Variants in AGTPBP1 observed in about 807,000 individuals in gnomAD.
AGTPBP1 encodes cytosolic carboxypeptidase 1.
Under a neutral mutation model 143.9 loss-of-function variants are expected in AGTPBP1, and 70 were observed. That is an observed-to-expected ratio of 0.49 (90% CI 0.40 to 0.59). The LOEUF (loss-of-function observed/expected upper bound fraction) is 0.59, where lower values mean the gene tolerates loss of function less well. AGTPBP1 is among the 20% of genes least tolerant of loss of function. The probability of loss-of-function intolerance (pLI) is 0.00; values close to 1 mark genes in which losing one functional copy is unlikely to be tolerated. For synonymous variants in AGTPBP1, 463 were observed against 500.2 expected, an observed-to-expected ratio of 0.93 and a Z score of 0.99; for missense variants, 1,229 against 1,464.5, an observed-to-expected ratio of 0.84 and a Z score of 2.62.
At chr9:85,785,316 A>G in the AGTPBP1 span, among the ~76,000 whole-genome samples, 5 of 152,122 alleles carry the variant, frequency 3.3e-5, no homozygotes, top group African/African-American at 4.8e-5. Context: ...CCTGGGCGAC[A>G]GAGCGAGACT....
At chr9:85,561,163 A>AC (rs964655488) in intron 25 of AGTPBP1, among the ~76,000 whole-genome samples, 55 of 152,114 alleles carry the variant, frequency 3.6e-4, no homozygotes, top group African/African-American at 1.3e-3. Flanking sequence ...GGAGTTCAAG[A>AC]CCAGCCTGGC....
intron 17 of AGTPBP1, among the ~76,000 whole-genome samples, chr9:85,607,734 G>A (rs1830071820): frequency 6.6e-6 from 1 of 152,076 alleles, no homozygotes; most frequent in Non-Finnish European, 1.5e-5. Flanking sequence ...GGTGTTTTAG[G>A]TCATAATCAT....
chr9:85,692,643 A>T (rs1165644528), intron 3 of AGTPBP1, 46 bp downstream of exon 3: 5 of 1,585,330 alleles, frequency 3.2e-6, no homozygotes, highest in Non-Finnish European at 4.3e-6. Flanking sequence ...CCACTTTTAA[A>T]GAATTAAAAA....
chr9:85,798,832 G>A, the AGTPBP1 span, among the ~76,000 whole-genome samples: 3 of 152,086 alleles, frequency 2.0e-5, no homozygotes, highest in Non-Finnish European at 4.4e-5. Context: ...GCTGAGGCAG[G>A]AGGATCTTTA....
intron 3 of AGTPBP1, among the ~76,000 whole-genome samples, chr9:85,682,687 A>C (rs1835263395): frequency 6.6e-6 from 1 of 152,232 alleles, no homozygotes; most frequent in East Asian, 1.9e-4. Context: ...AATGTTCCAC[A>C]TGGAGATAGT....
At chr9:85,764,836 A>G in the AGTPBP1 span, 1 of 1,318,606 alleles carries the variant, frequency 7.6e-7, no homozygotes, top group African/African-American at 1.4e-5. Flanking sequence ...AGCAAGTTGA[A>G]GTCCTCCAGA....
intron 3 of AGTPBP1, among the ~76,000 whole-genome samples, chr9:85,689,637 G>C (rs1162235457): frequency 6.6e-6 from 1 of 151,978 alleles, no homozygotes; most frequent in Non-Finnish European, 1.5e-5. Context: ...GCTCACGCCT[G>C]TAATCCCAGC....
intron 17 of AGTPBP1, among the ~76,000 whole-genome samples, chr9:85,606,829 C>T (rs1415301235): frequency 1.3e-5 from 2 of 151,792 alleles, no homozygotes; most frequent in East Asian, 3.8e-4. Flanking sequence ...TGTTCTCACT[C>T]ATATGTGGTA....
Position 85,657,526 on chromosome 9 carries a change from A to G in AGTPBP1, c.818T>C (p.Leu273Ser). The G allele has an allele frequency of 6.2e-7, 1 of 1,613,980 alleles. No homozygotes were observed. Among genetic ancestry groups the G allele is most frequent in the African/African-American group, 1.3e-5 (1 of 75,072 alleles). Residue 273 changes from leucine (L) to serine (S), a missense_variant, in exon 10 of 26, where the codon TTA becomes TCA. Leu to Ser is a moderately radical substitution (Grantham distance 145). This residue lies in a region of AGTPBP1 where 743 missense variants were observed against 812.2 expected (regional missense o/e 0.91). Transcript: ENST00000357081. ...HRNMLIRKGI[L>S]QSLKSVTNIK... ...GTTTGTAACACTTTTTAAACTCTGTAAAATTCCTTTCCGAATGAGCATGTT... is the reference window on the plus strand; with the variant it reads ...GTTTGTAACACTTTTTAAACTCTGTGAAATTCCTTTCCGAATGAGCATGTT...
intron 18 of AGTPBP1, among the ~76,000 whole-genome samples, chr9:85,595,207 T>C (rs1398358614): frequency 6.6e-6 from 1 of 152,214 alleles, no homozygotes; most frequent in African/African-American, 2.4e-5. Context: ...CCAAGTTTTT[T>C]CCAAAGCCAT....
At chr9:85,714,968 C>T (rs1266327840) in intron 1 of AGTPBP1, among the ~76,000 whole-genome samples, 4 of 151,986 alleles carry the variant, frequency 2.6e-5, no homozygotes, top group African/African-American at 4.8e-5. Flanking sequence ...AATAAAGGGC[C>T]GGGCACAGTA....
At chr9:85,548,688 T>TG (rs1825869223) in intron 25 of AGTPBP1, among the ~76,000 whole-genome samples, 1 of 148,680 alleles carries the variant, frequency 6.7e-6, no homozygotes. Flanking sequence ...TTTGTTTTTG[T>TG]TTTTTGAGAC....
At chr9:85,735,039 A>C (rs959466432) in intron 1 of AGTPBP1, among the ~76,000 whole-genome samples, 5 of 152,322 alleles carry the variant, frequency 3.3e-5, no homozygotes, top group Non-Finnish European at 7.3e-5. Flanking sequence ...CATCTAAAAA[A>C]ATTTTAAAAA....
At chr9:85,657,738 G>A in intron 9 of AGTPBP1, 95 bp from the exon 10 acceptor site, 1 of 765,982 alleles carries the variant, frequency 1.3e-6, no homozygotes, top group Non-Finnish European at 2.0e-6. Context: ...ATATTGTGAT[G>A]GATACTTATA....
At chr9:85,784,166 T>C in the AGTPBP1 span, among the ~76,000 whole-genome samples, 13 of 152,210 alleles carry the variant, frequency 8.5e-5, no homozygotes, top group African/African-American at 2.9e-4. Context: ...TAAAACTATA[T>C]GTAAGGATAA....
At chr9:85,740,721 TAAG>T (rs1400253238) in intron 1 of AGTPBP1, among the ~76,000 whole-genome samples, 2 of 152,226 alleles carry the variant, frequency 1.3e-5, no homozygotes, top group African/African-American at 2.4e-5. Flanking sequence ...AATGACCGAT[TAAG>T]AAGACTGTTA....
In AGTPBP1 at chr9:85,721,166, T is replaced by C. The variant is rs145458614; in HGVS notation, c.-33-8600A>G. On this transcript the variant is annotated intron_variant, in intron 1 of 25. Transcript: ENST00000357081. Reference sequence around the variant, plus strand: ...CGTTGATTTGGGATAGAGAGTTCTGTAGATGTCTATTAGGTCCACTTGGTC... The same window carrying C: ...CGTTGATTTGGGATAGAGAGTTCTGCAGATGTCTATTAGGTCCACTTGGTC... Among the ~76,000 whole-genome samples the C allele has an allele frequency of 9.6e-3, 1,470 of 152,342 alleles. 13 individuals carry two copies. The highest frequency in any genetic ancestry group is 0.034 in the African/African-American group (1,406 of 41,566).
the AGTPBP1 span, chr9:85,764,955 G>A: frequency 1.2e-6 from 1 of 804,394 alleles, no homozygotes; most frequent in South Asian, 1.3e-5. Context: ...AACTGGAGGT[G>A]CTGTATGATG....
chr9:85,642,247 T>C (rs533228817), intron 13 of AGTPBP1, among the ~76,000 whole-genome samples: 1 of 152,242 alleles, frequency 6.6e-6, no homozygotes, highest in East Asian at 1.9e-4. Context: ...CTTGACTTGC[T>C]CTGTAATCCA....
Sources: allele counts gnomAD v4.1 joint callset (sites outside exome capture counted in the v4.1 genomes callset), GRCh38; gene constraint gnomAD v4.1.1; regional missense constraint gnomAD v4.1.1; transcripts MANE v1.5; gene names NCBI Gene and HGNC (gene_info 2026-07-23, HGNC 2026-07-21).